Variants in PUS7L observed in about 807,000 individuals in gnomAD.
The protein encoded by PUS7L is pseudouridylate synthase PUS7L.
PUS7L carries 49 observed loss-of-function variants against 51.1 expected under a neutral mutation model. That is an observed-to-expected ratio of 0.96 (90% confidence interval 0.76 to 1.22). The LOEUF (loss-of-function observed/expected upper bound fraction) is 1.22. Ranked by LOEUF, PUS7L falls within the 50% of genes most tolerant of loss-of-function variation. PUS7L has a pLI of 0.00. For missense variants in PUS7L, 828 were observed against 820.6 expected, an observed-to-expected ratio of 1.01 and a Z score of -0.11; for synonymous variants, 277 against 276.2, an observed-to-expected ratio of 1.00 and a Z score of -0.03.
intron 7 of PUS7L, among the ~76,000 whole-genome samples, chr12:43,732,193 C>T (rs1371079786): frequency 6.6e-6 from 1 of 151,950 alleles, no homozygotes; most frequent in Non-Finnish European, 1.5e-5. Context: ...TGGTAGCTCA[C>T]ATCTGTAATT....
chr12:43,757,270 G>A (rs183564866), intron 1 of PUS7L, among the ~76,000 whole-genome samples: 20 of 152,116 alleles, frequency 1.3e-4, no homozygotes, highest in African/African-American at 3.4e-4. Flanking sequence ...TCCCGAGTTC[G>A]AGCGATTCTC....
chr12:43,746,089 G>T lies in PUS7L; in HGVS notation c.1220C>A (p.Ala407Glu). 2.6e-6 allele frequency: 4 copies of T among 1,532,208 alleles called. No individual in the cohort carries two copies. The highest frequency in any genetic ancestry group is 3.6e-6 in the Non-Finnish European group (4 of 1,114,818). 94.9% of individuals were successfully genotyped at this position (1,532,208 alleles called of 1,614,324 possible). Residue 407 changes from alanine (A) to glutamate (E), a missense_variant, in exon 4 of 9, where the codon GCA (alanine) becomes GAA (glutamate). Ala to Glu is a moderately radical substitution (Grantham distance 107). Transcript: ENST00000344862. The part of the protein sequence containing the change: ...RNLKKQINDS[A>E]NLRERIMEAI... ...TTCCATAATTCTCTCCCTCAGGTTT[G>T]CAGAATCATTTATTTGTTTTTTTAA...
At chr12:43,735,925 C>T (rs1451329152) in intron 7 of PUS7L, among the ~76,000 whole-genome samples, 16 of 152,096 alleles carry the variant, frequency 1.1e-4, no homozygotes, top group African/African-American at 2.4e-4. Flanking sequence ...TACAGGCGTG[C>T]GCTACCACAC....
intron 3 of PUS7L, among the ~76,000 whole-genome samples, chr12:43,747,884 T>G (rs1162522885): frequency 5.9e-5 from 9 of 152,072 alleles, no homozygotes. Flanking sequence ...CACCTCCCTA[T>G]TCAAGCAATT....
In PUS7L at chr12:43,720,711, G is replaced by C. The variant is rs972869778; in HGVS notation, c.*9665C>G. 6.6e-6 allele frequency: 1 copy of C among 152,106 alleles called. No homozygotes were observed. Among genetic ancestry groups the C allele is most frequent in the East Asian group, 1.9e-4 (1 of 5,198 alleles). 9.4% of individuals were successfully genotyped at this position (152,106 alleles called of 1,614,324 possible). On this transcript the variant is annotated 3_prime_UTR_variant, in exon 9 of 9. Coordinates refer to ENST00000344862, the MANE Select transcript of PUS7L (RefSeq NM_031292.5). ...AGGTTCTGTGGCTGCTGAGTATATT[G>C]GTCATTCAGTATACTGTTAAAGCTG...
At position 43,723,125 on chromosome 12, in the gene PUS7L, T is replaced by G. The variant is rs1296387488; in HGVS notation, c.*7251A>C. 1 of 152,172 alleles carries G rather than the reference T, an allele frequency of 6.6e-6. No homozygotes were observed. Among genetic ancestry groups the G allele is most frequent in the Non-Finnish European group, 1.5e-5 (1 of 67,982 alleles). 9.4% of individuals were successfully genotyped at this position (152,172 alleles called of 1,614,324 possible). On this transcript the variant is annotated 3_prime_UTR_variant, in exon 9 of 9. Coordinates refer to ENST00000344862, the MANE Select transcript of PUS7L (RefSeq NM_031292.5). ...TAAAGACTAAATTTAAATAATTTCA[T>G]GGCTATTCTGACTTCTTTCCATAGT...
At chr12:43,733,329 T>G (rs1213437413) in intron 7 of PUS7L, among the ~76,000 whole-genome samples, 1 of 152,224 alleles carries the variant, frequency 6.6e-6, no homozygotes, top group Non-Finnish European at 1.5e-5. Flanking sequence ...ATTAAGAATT[T>G]TATTCTTTTT....
chr12:43,740,662 A>G (rs1937855356), intron 5 of PUS7L, among the ~76,000 whole-genome samples: 1 of 152,064 alleles, frequency 6.6e-6, no homozygotes, highest in African/African-American at 2.4e-5. Flanking sequence ...AATGCTCTCC[A>G]TCACTTGGTC....
At chr12:43,753,938 G>A (rs1938572045) in intron 2 of PUS7L, among the ~76,000 whole-genome samples, 1 of 152,110 alleles carries the variant, frequency 6.6e-6, no homozygotes, top group Non-Finnish European at 1.5e-5. Flanking sequence ...ACTTTCCCAA[G>A]CACAGTAAAT....
chr12:43,734,927 A>C (rs1017341911), intron 7 of PUS7L, among the ~76,000 whole-genome samples: 1 of 152,224 alleles, frequency 6.6e-6, no homozygotes, highest in Non-Finnish European at 1.5e-5. Flanking sequence ...GTTGGAGAAT[A>C]ATAATTTGTT....
chr12:43,748,557 T>C lies in PUS7L; in HGVS notation c.963A>G (p.Leu321=). Residue 321 remains leucine (L), a synonymous_variant, in exon 3 of 9, where the codon TTA becomes TTG. Transcript: ENST00000344862. ...AAGGAATAACACCAAGTTTGATAGC[T>C]AAAAAACCAATCGCTTCAAACATTT... The part of the protein sequence containing the change: ...NLEMFEAIGF[L]AIKLGVIPSD... 1.2e-6 allele frequency: 2 copies of C among 1,608,456 alleles called. No homozygotes were observed. The highest frequency in any genetic ancestry group is 1.7e-6 in the Non-Finnish European group (2 of 1,178,620).
chr12:43,747,677 G>A (rs1402564935), intron 3 of PUS7L, among the ~76,000 whole-genome samples: 1 of 151,940 alleles, frequency 6.6e-6, no homozygotes. Flanking sequence ...TGGGCAACAA[G>A]GGCAAAAATC....
At chr12:43,757,274 G>A (rs1395134870) in intron 1 of PUS7L, among the ~76,000 whole-genome samples, 1 of 152,156 alleles carries the variant, frequency 6.6e-6, no homozygotes, top group Non-Finnish European at 1.5e-5. Context: ...GAGTTCGAGC[G>A]ATTCTCCTAC....
In PUS7L at chr12:43,735,112, G is replaced by A. The variant is rs182011066; in HGVS notation, c.1725+1269C>T. ...GGGTGGATCACGAGGTCAGGAGATC[G>A]AGACCATCCTGGCTAACATGGTGAA... On this transcript the variant is annotated intron_variant, in intron 7 of 8. Transcript: ENST00000344862. 7.4e-4 allele frequency among the ~76,000 whole-genome samples: 113 copies of A among 151,896 alleles called. 1 individual carries two copies. The East Asian group carries it at 0.021, about 28-fold the overall frequency.
intron 1 of PUS7L, 92 bp downstream of exon 1, chr12:43,758,638 C>T (rs1372822405): frequency 3.2e-6 from 3 of 933,236 alleles, no homozygotes; most frequent in South Asian, 5.1e-5. Context: ...TATGGATCCT[C>T]AATGCCAACC....
intron 4 of PUS7L, among the ~76,000 whole-genome samples, chr12:43,744,811 A>G (rs1938086922): frequency 6.6e-6 from 1 of 152,212 alleles, no homozygotes; most frequent in African/African-American, 2.4e-5. Context: ...TATTGGCTCT[A>G]AAGTACAGTC....
chr12:43,757,844 G>T (rs1056784661), intron 1 of PUS7L, among the ~76,000 whole-genome samples: 1 of 152,186 alleles, frequency 6.6e-6, no homozygotes, highest in East Asian at 1.9e-4. Context: ...ATGTGTGCAA[G>T]AAAAACAAGC....
Position 43,746,238 on chromosome 12 carries a change from C to T in PUS7L, c.1071G>A (p.Arg357=), listed in dbSNP as rs763318134. 1 of 1,210,572 alleles carries T rather than the reference C, an allele frequency of 8.3e-7. No homozygotes were observed. The allele number at this position is 1,210,572 out of a possible 1,614,324, so 75.0% of individuals were successfully genotyped here. Residue 357 remains arginine (R), a splice_region_variant and synonymous_variant, in exon 4 of 9, where the codon AGG becomes AGA. Coordinates refer to ENST00000344862, the MANE Select transcript of PUS7L (RefSeq NM_031292.5). Reference sequence around the variant, plus strand: ...CAATTTCTTTTTCAATATTTTTCAACCTGTAAGTAATAAATCATATAAACT... The same window carrying T: ...CAATTTCTTTTTCAATATTTTTCAATCTGTAAGTAATAAATCATATAAACT... ...AMVVRKVTPE[R]LKNIEKEIEK...
At chr12:43,758,271 A>C (rs1938941877) in intron 1 of PUS7L, 16 of 972,640 alleles carry the variant, frequency 1.6e-5, no homozygotes, top group Non-Finnish European at 1.7e-5. Flanking sequence ...ATCCTGGTAG[A>C]AGAGTGGAAC....
Sources: gnomAD v4.1 joint callset for allele counts (sites outside exome capture counted in the v4.1 genomes callset) on GRCh38, gnomAD v4.1.1 for gene constraint, MANE v1.5 for transcripts, NCBI Gene and HGNC (gene_info 2026-07-23, HGNC 2026-07-21) for gene names.